Variants in DPP8 observed in about 807,000 individuals in gnomAD.
DPP8 encodes the protein dipeptidyl peptidase 8, also known as DPP VIII.
Under a neutral mutation model 107.5 loss-of-function variants are expected in DPP8, and 31 were observed. The observed-to-expected ratio is 0.29, with a 90% CI of 0.22 to 0.39. The LOEUF is 0.39. Among genes scored for constraint, DPP8 ranks in the 10% least tolerant of loss-of-function variants. The pLI is 1.00. For synonymous variants in DPP8, 381 were observed against 356.6 expected (o/e 1.07, Z -0.77); for missense variants, 842 against 1,076.1 (o/e 0.78, Z 3.04).
In DPP8 at chr15:65,445,287, A is replaced by G. The variant is rs991037034; in HGVS notation, c.*1597T>C. The stretch of plus-strand genomic sequence containing the variant: ...CTCTCTGTAGTGATGAGAAAGAAAT[A>G]TAGCAAATTTTCTTGGAGTGTTGTT... On this transcript the variant is annotated 3_prime_UTR_variant, in exon 20 of 20. Transcript: ENST00000300141. 2 of 152,228 alleles carry G rather than the reference A, an allele frequency of 1.3e-5. No homozygotes were observed. Among genetic ancestry groups the G allele is most frequent in the Non-Finnish European group, 2.9e-5 (2 of 68,044 alleles). The allele number at this position is 152,228 out of a possible 1,614,324, so 9.4% of individuals were successfully genotyped here. A position where few individuals can be genotyped will look rare whatever the true frequency, so the allele number is the denominator to read the frequency against.
chr15:65,465,833 C>T (rs1000005843), intron 14 of DPP8, among the ~76,000 whole-genome samples: 42 of 152,100 alleles, frequency 2.8e-4, no homozygotes, highest in Admixed American at 6.6e-4. Context: ...TGGGATTACA[C>T]GTGTGAGCCA....
chr15:65,466,358 G>A (rs555330395), intron 14 of DPP8, among the ~76,000 whole-genome samples: 2 of 152,220 alleles, frequency 1.3e-5, no homozygotes, highest in Admixed American at 6.6e-5. Context: ...GGCTGGTCCC[G>A]AACTCCTGAC....
intron 18 of DPP8, among the ~76,000 whole-genome samples, chr15:65,451,590 A>G (rs754223307): frequency 2.6e-5 from 4 of 152,142 alleles, no homozygotes; most frequent in Non-Finnish European, 5.9e-5. Context: ...ATTAAAGACA[A>G]TTTTTTAAAA....
At chr15:65,486,818 T>C (rs1319831999) in intron 7 of DPP8, among the ~76,000 whole-genome samples, 1 of 152,082 alleles carries the variant, frequency 6.6e-6, no homozygotes, top group African/African-American at 2.4e-5. Flanking sequence ...TAATGGACTT[T>C]GGGGACTCCA....
At chr15:65,493,530 A>G (rs772952927) in intron 5 of DPP8, among the ~76,000 whole-genome samples, 1 of 152,288 alleles carries the variant, frequency 6.6e-6, no homozygotes, top group East Asian at 1.9e-4. Context: ...TAAGTTTATC[A>G]ATATCCTCAG....
chr15:65,448,043 G>A (rs963967328), intron 19 of DPP8, among the ~76,000 whole-genome samples: 1 of 152,130 alleles, frequency 6.6e-6, no homozygotes, highest in Non-Finnish European at 1.5e-5. Flanking sequence ...ACACTTTACT[G>A]TGACAGAGTA....
intron 3 of DPP8, among the ~76,000 whole-genome samples, chr15:65,506,045 G>A (rs369492259): frequency 6.6e-5 from 10 of 150,694 alleles, no homozygotes; most frequent in East Asian, 3.9e-4. Flanking sequence ...AGAAATACTC[G>A]GCCAAGGCCG....
chr15:65,486,214 C>A (rs1336838547), intron 7 of DPP8, among the ~76,000 whole-genome samples: 1 of 151,054 alleles, frequency 6.6e-6, no homozygotes, highest in Admixed American at 6.6e-5. Flanking sequence ...CCAGCCTGGC[C>A]AACATGGTGA....
intron 3 of DPP8, among the ~76,000 whole-genome samples, chr15:65,506,080 C>A (rs2069942926): frequency 6.6e-6 from 1 of 151,974 alleles, no homozygotes; most frequent in Non-Finnish European, 1.5e-5. Flanking sequence ...ACCTGTAATC[C>A]CAGCACTTTG....
At position 65,512,507 on chromosome 15, in the gene DPP8, T is replaced by A; in HGVS notation, c.47A>T (p.Glu16Val). The stretch of plus-strand genomic sequence containing the variant: ...AATATTCTCCTCACAGTCCGCAGTT[T>A]CAAATATCTCAACACCCAGCTGTTC... ...ETEQLGVEIFETADCEENIES... is the reference protein window; with the variant it reads ...ETEQLGVEIFVTADCEENIES... The change falls in exon 2 of 20, where the codon GAA becomes GTA. Residue 16 changes from glutamate to valine, a missense_variant. Transcript: ENST00000300141. 6.2e-7 allele frequency: 1 copy of A among 1,614,152 alleles called. No individual in the cohort carries two copies. Among genetic ancestry groups the A allele is most frequent in the Non-Finnish European group, 8.5e-7 (1 of 1,180,028 alleles).
intron 11 of DPP8, chr15:65,475,536 G>A (rs1468443622): frequency 1.6e-5 from 22 of 1,339,744 alleles, no homozygotes; most frequent in East Asian, 1.2e-4. Flanking sequence ...AAACCAGCCC[G>A]GTGCAATCCA....
At chr15:65,509,568 C>T (rs1455893988) in intron 2 of DPP8, among the ~76,000 whole-genome samples, 2 of 152,154 alleles carry the variant, frequency 1.3e-5, no homozygotes, top group Non-Finnish European at 2.9e-5. Flanking sequence ...AGTCTTGTTT[C>T]TCTTTAGGAT....
At chr15:65,447,068 C>A in intron 19 of DPP8, 62 bp from the exon 20 acceptor site, 1 of 1,301,806 alleles carries the variant, frequency 7.7e-7, no homozygotes, top group South Asian at 1.5e-5. Context: ...ACATCTTCTT[C>A]CAAAGCTTTC....
chr15:65,470,567 T>C (rs900840545), intron 12 of DPP8, among the ~76,000 whole-genome samples: 1 of 145,392 alleles, frequency 6.9e-6, no homozygotes, highest in African/African-American at 2.6e-5. Context: ...CATCGCACCA[T>C]TGCATTCTAG....
chr15:65,456,402 T>C (rs1595868680), intron 15 of DPP8, 31 bp from the exon 16 acceptor site: 2 of 1,587,008 alleles, frequency 1.3e-6, no homozygotes, highest in Non-Finnish European at 1.7e-6. Context: ...CAGTTTATCA[T>C]ATGGAAGCAT....
intron 10 of DPP8, among the ~76,000 whole-genome samples, chr15:65,479,835 A>T: frequency 7.3e-6 from 1 of 136,186 alleles, no homozygotes; most frequent in Admixed American, 8.3e-5. Context: ...TGGGCGACAG[A>T]GCGAGACTCC....
At chr15:65,455,389 C>A in intron 16 of DPP8, 1 of 169,558 alleles carries the variant, frequency 5.9e-6, no homozygotes, top group Admixed American at 5.7e-5. Flanking sequence ...CTGCCTTGGC[C>A]TCCCAAAGTG....
chr15:65,479,996 G>T (rs1305350836), intron 10 of DPP8, among the ~76,000 whole-genome samples: 1 of 151,920 alleles, frequency 6.6e-6, no homozygotes, highest in Non-Finnish European at 1.5e-5. Flanking sequence ...TTATCTCCAG[G>T]AACAAATCTG....
At chr15:65,467,337 T>C in intron 12 of DPP8, 114 bp from the exon 13 acceptor site, 1 of 927,402 alleles carries the variant, frequency 1.1e-6, no homozygotes, top group Non-Finnish European at 1.6e-6. Flanking sequence ...TTCTTTTTTC[T>C]TTTTTTTGCT....
Sources: gnomAD v4.1 joint callset for allele counts (sites outside exome capture counted in the v4.1 genomes callset) on GRCh38, gnomAD v4.1.1 for gene constraint, MANE v1.5 for transcripts, NCBI Gene and HGNC (gene_info 2026-07-23, HGNC 2026-07-21) for gene names.